Variants in SCN8A observed in about 807,000 individuals in gnomAD.
SCN8A encodes the protein sodium channel protein type 8 subunit alpha.
Under a neutral mutation model 184.1 loss-of-function variants are expected in SCN8A, and 30 were observed. That is an observed-to-expected ratio of 0.16 (90% CI 0.12 to 0.22). SCN8A has a LOEUF of 0.22. Ranked by LOEUF, SCN8A falls within the 10% of genes least tolerant of loss-of-function variation. The pLI, the probability that SCN8A is intolerant of heterozygous loss-of-function variation, is 1.00. For synonymous variants in SCN8A, 852 were observed against 907.0 expected, an observed-to-expected ratio of 0.94 and a Z score of 1.09; for missense variants, 1,057 against 2,498.9, an observed-to-expected ratio of 0.42 and a Z score of 12.30.
At chr12:51,761,472 T>TTTATTTA (rs1942761690) in intron 14 of SCN8A, among the ~76,000 whole-genome samples, 3 of 149,772 alleles carry the variant, frequency 2.0e-5, no homozygotes, top group African/African-American at 7.4e-5. Flanking sequence ...TTTATTATTA[T>TTTATTTA]TTATTTATTA....
At chr12:51,659,848 C>A (rs1020631689) in intron 1 of SCN8A, among the ~76,000 whole-genome samples, 9 of 152,106 alleles carry the variant, frequency 5.9e-5, no homozygotes, top group Non-Finnish European at 1.3e-4. Flanking sequence ...AGATTCCATG[C>A]TGGATGGCTG....
At chr12:51,656,002 A>G (rs1033707145) in intron 1 of SCN8A, among the ~76,000 whole-genome samples, 2 of 152,230 alleles carry the variant, frequency 1.3e-5, no homozygotes, top group Non-Finnish European at 2.9e-5. Context: ...CCTCTCTTAT[A>G]TAACTTATGG....
At chr12:51,793,779 A>G (rs1938331893) in intron 25 of SCN8A, among the ~76,000 whole-genome samples, 2 of 151,970 alleles carry the variant, frequency 1.3e-5, no homozygotes, top group East Asian at 1.9e-4. Flanking sequence ...TTGAATTGCT[A>G]TGTGCTATGA....
chr12:51,794,321 T>A (rs1272255772), intron 25 of SCN8A, 50 bp from the exon 26 acceptor site: 2 of 1,563,828 alleles, frequency 1.3e-6, no homozygotes, highest in South Asian at 1.2e-5. Context: ...ATAGGTTGGC[T>A]TGGAAAGGTT....
intron 19 of SCN8A, among the ~76,000 whole-genome samples, chr12:51,772,718 C>T (rs941239905): frequency 4.0e-5 from 6 of 150,952 alleles, no homozygotes; most frequent in Non-Finnish European, 7.4e-5. Flanking sequence ...CGGTAGCTCA[C>T]ACCTGTAATC....
chr12:51,647,851 C>T (rs773856119), intron 1 of SCN8A, among the ~76,000 whole-genome samples: 4 of 152,206 alleles, frequency 2.6e-5, no homozygotes, highest in Non-Finnish European at 5.9e-5. Context: ...AAGAGCCACC[C>T]ACCTTCCTCC....
intron 11 of SCN8A, among the ~76,000 whole-genome samples, chr12:51,718,182 A>G (rs1941996495): frequency 6.6e-6 from 1 of 152,204 alleles, no homozygotes; most frequent in African/African-American, 2.4e-5. Flanking sequence ...TCCAGTGTTA[A>G]CATCAAAAGT....
At chr12:51,718,006 A>G (rs77943191) in intron 11 of SCN8A, among the ~76,000 whole-genome samples, 26 of 152,366 alleles carry the variant, frequency 1.7e-4, no homozygotes, top group Middle Eastern at 6.8e-3. Context: ...AGGTGAGAGC[A>G]TGGAATAATA....
chr12:51,763,317 A>C (rs1262026429), intron 15 of SCN8A, among the ~76,000 whole-genome samples: 2 of 152,186 alleles, frequency 1.3e-5, no homozygotes, highest in African/African-American at 4.8e-5. Flanking sequence ...ATTACATGAG[A>C]TATTCAATAC....
intron 2 of SCN8A, among the ~76,000 whole-genome samples, chr12:51,680,526 A>C (rs1216626988): frequency 6.6e-6 from 1 of 152,140 alleles, no homozygotes; most frequent in Admixed American, 6.5e-5. Flanking sequence ...TCCCTCACCT[A>C]AAACAACATA....
At chr12:51,704,562 C>A (rs761728004) in intron 9 of SCN8A, among the ~76,000 whole-genome samples, 1 of 148,822 alleles carries the variant, frequency 6.7e-6, no homozygotes, top group Non-Finnish European at 1.5e-5. Context: ...CCCAGCTACT[C>A]GGGAGGCTGA....
chr12:51,755,047 A>G (rs1389109766), intron 14 of SCN8A, among the ~76,000 whole-genome samples: 2 of 152,224 alleles, frequency 1.3e-5, no homozygotes, highest in Non-Finnish European at 2.9e-5. Flanking sequence ...GCTAAATGAT[A>G]TACTGTATAA....
At chr12:51,713,689 T>C in intron 11 of SCN8A, 1 of 469,938 alleles carries the variant, frequency 2.1e-6, no homozygotes. Context: ...TCAGGGCAGT[T>C]TATAAATATT....
At chr12:51,701,724 C>G (rs1177467692) in intron 8 of SCN8A, among the ~76,000 whole-genome samples, 2 of 152,126 alleles carry the variant, frequency 1.3e-5, no homozygotes, top group Non-Finnish European at 2.9e-5. Flanking sequence ...AAGCCATGCT[C>G]TCTCTTGCTC....
At chr12:51,781,469 A>G (rs543383433) in intron 21 of SCN8A, among the ~76,000 whole-genome samples, 10 of 152,272 alleles carry the variant, frequency 6.6e-5, no homozygotes, top group African/African-American at 2.2e-4. Flanking sequence ...ATGATGCTAG[A>G]TGACTGAATA....
intron 17 of SCN8A, among the ~76,000 whole-genome samples, chr12:51,769,658 T>C (rs1942892554): frequency 1.3e-5 from 2 of 152,168 alleles, no homozygotes; most frequent in Admixed American, 6.5e-5. Flanking sequence ...GGGTGGGTCA[T>C]TGCCGTCCGT....
At chr12:51,739,861 T>C (rs1942390610) in intron 12 of SCN8A, among the ~76,000 whole-genome samples, 2 of 152,082 alleles carry the variant, frequency 1.3e-5, no homozygotes, top group Admixed American at 1.3e-4. Context: ...AAATCAGGGG[T>C]CTCACAGCCT....
chr12:51,647,543 A>G (rs1396414977), intron 1 of SCN8A, among the ~76,000 whole-genome samples: 6 of 152,252 alleles, frequency 3.9e-5, no homozygotes, highest in Non-Finnish European at 8.8e-5. Context: ...GGTTGCAGAC[A>G]TTCACCAGGC....
intron 6 of SCN8A, among the ~76,000 whole-genome samples, chr12:51,691,454 C>T (rs145321211): frequency 2.7e-5 from 4 of 150,162 alleles, no homozygotes; most frequent in African/African-American, 9.9e-5. Context: ...ATATATATAT[C>T]TGGAATATAT....
Sources: allele counts gnomAD v4.1 joint callset (sites outside exome capture counted in the v4.1 genomes callset), GRCh38; gene constraint gnomAD v4.1.1; transcripts MANE v1.5; gene names NCBI Gene and HGNC (gene_info 2026-07-23, HGNC 2026-07-21).